The following NCAPG2 variants were observed in gnomAD, a reference collection of about 807,000 sequenced individuals.
NCAPG2 encodes the protein non-SMC condensin II complex subunit G2.
NCAPG2 carries 53 observed loss-of-function variants against 141.1 expected under a neutral mutation model. That is an observed-to-expected ratio of 0.38 (90% CI 0.30 to 0.47). The LOEUF (loss-of-function observed/expected upper bound fraction) is 0.47. Among genes scored for constraint, NCAPG2 ranks in the 20% least tolerant of loss-of-function variants. NCAPG2 has a pLI of 0.99. For missense variants in NCAPG2, 1,087 were observed against 1,389.0 expected (o/e 0.78, Z 3.46); for synonymous variants, 499 against 490.7 (o/e 1.02, Z -0.22).
intron 23 of NCAPG2, 132 bp from the exon 24 acceptor site, chr7:158,651,104 G>T: frequency 1.1e-6 from 1 of 920,528 alleles, no homozygotes; most frequent in African/African-American, 1.7e-5. Context: ...TTGTTTGCCT[G>T]CTACCAGTGC....
At chr7:158,704,349 GC>G (rs1836024192) in intron 1 of NCAPG2, among the ~76,000 whole-genome samples, 1 of 148,412 alleles carries the variant, frequency 6.7e-6, no homozygotes, top group African/African-American at 2.5e-5. Context: ...CAGTTCCCAT[GC>G]CCAGGACAGA....
rs1587056941 is a variant in NCAPG2 at position 158,639,761 on chromosome 7, G to A, written c.3380+4528C>T. ...TAATGCTGAGAGCAAAACTGGTAGAGGTCCTACTGAAAAAACAAAAACAAA... is the reference window on the plus strand; with the variant it reads ...TAATGCTGAGAGCAAAACTGGTAGAAGTCCTACTGAAAAAACAAAAACAAA... On this transcript the variant is annotated intron_variant, in intron 27 of 27. Coordinates refer to ENST00000356309, the MANE Select transcript of NCAPG2 (RefSeq NM_017760.7). 4 of 751,714 alleles carry A rather than the reference G, an allele frequency of 5.3e-6. No homozygotes were observed. The East Asian group carries it at 5.2e-4, about 97-fold the overall frequency. 46.6% of individuals were successfully genotyped at this position (751,714 alleles called of 1,614,324 possible).
intron 24 of NCAPG2, 52 bp from the exon 25 acceptor site, chr7:158,646,615 T>C (rs1032360559): frequency 1.6e-6 from 2 of 1,257,254 alleles, no homozygotes; most frequent in Middle Eastern, 1.9e-4. Flanking sequence ...GCTACTTACT[T>C]GTAAATTACA....
intron 27 of NCAPG2, among the ~76,000 whole-genome samples, chr7:158,637,076 C>T (rs971282815): frequency 2.7e-4 from 41 of 151,882 alleles, no homozygotes; most frequent in South Asian, 4.2e-4. Context: ...GCCTCCCGAG[C>T]AGCTGGGACT....
intron 6 of NCAPG2, among the ~76,000 whole-genome samples, chr7:158,689,056 C>T (rs993826675): frequency 3.9e-5 from 6 of 152,132 alleles, no homozygotes; most frequent in Non-Finnish European, 8.8e-5. Context: ...ATGTAGTCGA[C>T]GCTCAGTAAA....
intron 12 of NCAPG2, among the ~76,000 whole-genome samples, chr7:158,672,328 ATTTTTTTTTTTTTT>A (rs869090702): frequency 4.7e-4 from 15 of 32,222 alleles, no homozygotes; most frequent in African/African-American, 1.9e-3. Flanking sequence ...ATATATATAT[ATTTTTTTTTTTTTT>A]TTTTTTTTTT....
chr7:158,674,484 T>C (rs1833935530), intron 12 of NCAPG2, among the ~76,000 whole-genome samples: 1 of 152,050 alleles, frequency 6.6e-6, no homozygotes, highest in Admixed American at 6.6e-5. Context: ...GAGACAGGGT[T>C]TCACCACTCC....
intron 4 of NCAPG2, among the ~76,000 whole-genome samples, chr7:158,692,335 T>TAAACA (rs1835171422): frequency 4.4e-4 from 1 of 2,264 alleles, no homozygotes; most frequent in South Asian, 0.028. Context: ...ATAAAATAAA[T>TAAACA]AAGTATTCAG....
chr7:158,666,474 G>A (rs73165331), intron 13 of NCAPG2, among the ~76,000 whole-genome samples: 2,390 of 151,958 alleles, frequency 0.016, 37 homozygotes, highest in South Asian at 0.039. Context: ...ACCACCCCCA[G>A]CATAGATATT....
chr7:158,641,823 A>G lies in NCAPG2; in HGVS notation c.3380+2466T>C, dbSNP rs555142786. 1.1e-4 allele frequency among the ~76,000 whole-genome samples: 16 copies of G among 152,360 alleles called. 1 individual carries two copies. Among genetic ancestry groups the G allele is most frequent in the Admixed American group, 6.5e-4 (10 of 15,298 alleles). The stretch of plus-strand genomic sequence containing the variant: ...AAGTCAGTTATTATAGTTGGAGACT[A>G]TAACACCCTCTATCAGATCTAACAG... On this transcript the variant is annotated intron_variant, in intron 27 of 27. Transcript: ENST00000356309.
intron 2 of NCAPG2, among the ~76,000 whole-genome samples, chr7:158,699,961 C>A (rs1441410539): frequency 1.3e-5 from 2 of 150,206 alleles, no homozygotes; most frequent in African/African-American, 5.0e-5. Flanking sequence ...TTATTTTAAC[C>A]AATTCTGCAG....
rs1831040425 is a variant in NCAPG2 at position 158,646,646 on chromosome 7, C to T, written c.3076-83G>A. 1.0e-5 allele frequency: 9 copies of T among 878,582 alleles called. No individual in the cohort carries two copies. The South Asian group carries it at 1.5e-4, about 14-fold the overall frequency. The allele number at this position is 878,582 out of a possible 1,614,324, so 54.4% of individuals were successfully genotyped here. ...TTACATTGCTTTGGGTTTTCTTCAA[C>T]ACCTAAGAAAAACTTTCTAGAAATT... On this transcript the variant is annotated intron_variant, in intron 24 of 27. Transcript: ENST00000356309.
chr7:158,693,926 C>G (rs1327840196), intron 2 of NCAPG2, among the ~76,000 whole-genome samples: 1 of 152,200 alleles, frequency 6.6e-6, no homozygotes, highest in Non-Finnish European at 1.5e-5. Flanking sequence ...CAGATCTCCT[C>G]CAACAACCCT....
rs963682295 is a variant in NCAPG2 at position 158,631,525 on chromosome 7, A to G, written c.*141T>C. On this transcript the variant is annotated 3_prime_UTR_variant, in exon 28 of 28. Coordinates refer to ENST00000356309, the MANE Select transcript of NCAPG2 (RefSeq NM_017760.7). ...TTGAGTTATCTCCTCCATAACCCCC[A>G]CCTTCCCACATTCCCACAAAAAAAT... 6.1e-6 allele frequency: 5 copies of G among 819,786 alleles called. No homozygotes were observed. In the African/African-American group the frequency reaches 8.7e-5, roughly 14 times the overall value. 50.8% of individuals were successfully genotyped at this position (819,786 alleles called of 1,614,324 possible).
chr7:158,698,255 A>C (rs998194295), intron 2 of NCAPG2, among the ~76,000 whole-genome samples: 3 of 152,208 alleles, frequency 2.0e-5, no homozygotes, highest in African/African-American at 4.8e-5. Context: ...ATTGAAGAAA[A>C]ATGTTTTTAT....
At chr7:158,654,555 G>A (rs1254633759) in intron 22 of NCAPG2, 40 bp downstream of exon 22, 1 of 1,588,300 alleles carries the variant, frequency 6.3e-7, no homozygotes, top group African/African-American at 1.3e-5. Flanking sequence ...GGAAGGACTG[G>A]TTCTGAGTAT....
chr7:158,666,760 CAAAA>C (rs573630289), intron 13 of NCAPG2, among the ~76,000 whole-genome samples: 147 of 149,656 alleles, frequency 9.8e-4, no homozygotes, highest in African/African-American at 3.3e-3. Context: ...AACCCTGTCT[CAAAA>C]AAAAATAAAT....
At chr7:158,645,470 G>C (rs753416128) in intron 26 of NCAPG2, 49 bp downstream of exon 26, 1 of 1,513,070 alleles carries the variant, frequency 6.6e-7, no homozygotes, top group Non-Finnish European at 9.2e-7. Flanking sequence ...GACAGCACCT[G>C]TGAGGTGCAC....
intron 1 of NCAPG2, among the ~76,000 whole-genome samples, chr7:158,703,949 G>A (rs944566341): frequency 2.0e-5 from 3 of 152,162 alleles, no homozygotes; most frequent in African/African-American, 7.2e-5. Flanking sequence ...CCGACACCCA[G>A]GACTGAGGGG....
Sources: gnomAD v4.1 joint callset for allele counts (sites outside exome capture counted in the v4.1 genomes callset) on GRCh38, gnomAD v4.1.1 for gene constraint, MANE v1.5 for transcripts, NCBI Gene and HGNC (gene_info 2026-07-23, HGNC 2026-07-21) for gene names.